RGL4: variants seen among roughly 807,000 people sequenced by gnomAD.
RGL4 encodes ral guanine nucleotide dissociation stimulator like 4.
RGL4 carries 41 observed loss-of-function variants against 49.6 expected under a neutral mutation model. The ratio of observed to expected loss-of-function variants is 0.83; its 90% CI spans 0.64 to 1.07. The LOEUF (loss-of-function observed/expected upper bound fraction) is 1.07, where lower values mean the gene tolerates loss of function less well. RGL4 is among the 50% of genes least tolerant of loss of function. The pLI, the probability that RGL4 is intolerant of heterozygous loss-of-function variation, is 0.00. For missense variants in RGL4, 610 were observed against 591.9 expected (o/e 1.03, Z -0.32); for synonymous variants, 255 against 238.0 (o/e 1.07, Z -0.66).
In RGL4 at chr22:23,691,824, CT is replaced by C; in HGVS notation, c.-205del. 1 of 533,196 alleles carries C rather than the reference CT, an allele frequency of 1.9e-6. No homozygotes were observed. Among genetic ancestry groups the C allele is most frequent in the Middle Eastern group, 5.0e-4 (1 of 1,990 alleles). The allele number at this position is 533,196 out of a possible 1,614,324, so 33.0% of individuals were successfully genotyped here. A position where few individuals can be genotyped will look rare whatever the true frequency, so the allele number is the denominator to read the frequency against. On this transcript the variant is annotated 5_prime_UTR_variant, in exon 1 of 11. Coordinates refer to ENST00000290691, the MANE Select transcript of RGL4 (RefSeq NM_153615.2). ...CCACGAGAAGGCTGACATCTGGGGA[CT>C]TCCCCCACAAGAGGCAAATAGTGAG...
chr22:23,698,362 G>C (rs1403013942), intron 10 of RGL4, 29 bp downstream of exon 10: 1 of 1,583,218 alleles, frequency 6.3e-7, no homozygotes, highest in African/African-American at 1.4e-5. Flanking sequence ...GGCTGAGGGT[G>C]GGAGAAGGCT....
At position 23,692,437 on chromosome 22, in the gene RGL4, C is replaced by T; in HGVS notation, c.282C>T (p.Asn94=). The part of the protein sequence containing the change: ...SSFRIKLAFR[N]LSWPGLGLED... The stretch of plus-strand genomic sequence containing the variant: ...TCCGGATAAAGCTGGCCTTCAGGAA[C>T]CTCTCCTGGCCTGGACTGGGCTTGG... Residue 94 remains asparagine (N), a synonymous_variant, in exon 2 of 11, where the codon AAC becomes AAT. Coordinates refer to ENST00000290691, the MANE Select transcript of RGL4 (RefSeq NM_153615.2). The T allele has an allele frequency of 6.2e-7, 1 of 1,614,256 alleles. No homozygotes were observed. Among genetic ancestry groups the T allele is most frequent in the Admixed American group, 1.7e-5 (1 of 60,034 alleles).
chr22:23,696,303 G>A (rs1358757697), intron 6 of RGL4: 40 of 1,296,042 alleles, frequency 3.1e-5, no homozygotes, highest in Non-Finnish European at 3.9e-5. Context: ...CAATTTGAGG[G>A]TGCTCGTGCC....
rs1436647613 is a variant in RGL4 at position 23,698,881 on chromosome 22, T to C, written c.1420T>C (p.Ter474GlnextTer79). Residue 474 changes from the stop codon to glutamine, a stop_lost, in exon 11 of 11, where the codon TAG (stop) becomes CAG (glutamine). Transcript: ENST00000290691. ...LSCQLEPENP[*>Q] ...CTGCCAGCTGGAGCCCGAAAACCCG[T>C]AGGCTGGCAACATCCTGCAGTGGCT... The C allele has an allele frequency of 1.9e-6, 3 of 1,612,778 alleles. No homozygotes were observed. The highest frequency in any genetic ancestry group is 1.3e-5 in the African/African-American group (1 of 74,920).
At chr22:23,693,468 C>T (rs1923275805) in intron 3 of RGL4, among the ~76,000 whole-genome samples, 1 of 152,202 alleles carries the variant, frequency 6.6e-6, no homozygotes, top group Admixed American at 6.5e-5. Context: ...TCAGGATGGG[C>T]AGGCCTGAGC....
At chr22:23,698,408 C>A in intron 10 of RGL4, 75 bp downstream of exon 10, 1 of 1,522,656 alleles carries the variant, frequency 6.6e-7, no homozygotes, top group South Asian at 1.2e-5. Flanking sequence ...CTGGCTCTGT[C>A]GCCCAGGCTG....
At chr22:23,695,814 C>T (rs1923454993) in intron 6 of RGL4, among the ~76,000 whole-genome samples, 2 of 152,206 alleles carry the variant, frequency 1.3e-5, no homozygotes, top group African/African-American at 4.8e-5. Flanking sequence ...CCACCCAGGA[C>T]TCTGGAAAAC....
rs1189325114 is a variant in RGL4, at chr22:23,694,420, AG to A, written c.987del (p.Gln329HisfsTer14). 1 of 1,613,924 alleles carries A rather than the reference AG, an allele frequency of 6.2e-7. No individual in the cohort carries two copies. The highest frequency in any genetic ancestry group is 1.3e-5 in the African/African-American group (1 of 75,058). On this transcript the variant is annotated frameshift_variant, in exon 5 of 11. Transcript: ENST00000290691. LOFTEE classifies it high-confidence loss of function. ...GCTCTGTGCAGCAACCCAATAGGTCAGCTACACAAGACGTGGGCAGGAGTGT... is the reference window on the plus strand; with the variant it reads ...GCTCTGTGCAGCAACCCAATAGGTCACTACACAAGACGTGGGCAGGAGTGT... ...VSALCSNPIGQLHKTWAGVSS... is the reference protein window; with the variant it reads ...VSALCSNPIGXLHKTWAGVSS...
chr22:23,692,117 G>GA lies in RGL4; in HGVS notation c.89dup (p.Asn30LysfsTer28), dbSNP rs1569117927. The GA allele has an allele frequency of 6.2e-7, 1 of 1,614,198 alleles. No individual in the cohort carries two copies. Among genetic ancestry groups the GA allele is most frequent in the Non-Finnish European group, 8.5e-7 (1 of 1,180,030 alleles). The stretch of plus-strand genomic sequence containing the variant: ...CTGTGCTCCAGGGCCTTTGGGAAGA[G>GA]AATGTCTGTGGGACGCCAGGGCGCA... On this transcript the variant is annotated frameshift_variant, in exon 1 of 11. Transcript: ENST00000290691. LOFTEE classifies it high-confidence loss of function.
chr22:23,696,610 G>A lies in RGL4; in HGVS notation c.1087-4G>A, dbSNP rs1308028815. Reference sequence around the variant, plus strand: ...TCACTGTCCCTGTCGCTGACACCTGGCAGGCGGGGAGCTTTAAGGTGGCCA... The same window carrying A: ...TCACTGTCCCTGTCGCTGACACCTGACAGGCGGGGAGCTTTAAGGTGGCCA... On this transcript the variant is annotated splice_region_variant and splice_polypyrimidine_tract_variant and intron_variant, in intron 6 of 10. Coordinates refer to ENST00000290691, the MANE Select transcript of RGL4 (RefSeq NM_153615.2). 5.0e-6 allele frequency: 8 copies of A among 1,613,706 alleles called. No homozygotes were observed. Among genetic ancestry groups the A allele is most frequent in the African/African-American group, 4.0e-5 (3 of 74,926 alleles).
chr22:23,698,774 T>C (rs1400867681), intron 10 of RGL4, 70 bp from the exon 11 acceptor site: 3 of 1,522,982 alleles, frequency 2.0e-6, no homozygotes, highest in African/African-American at 2.7e-5. Context: ...GGATTCCAGC[T>C]GGGCAGGCAC....
intron 7 of RGL4, 107 bp from the exon 8 acceptor site, chr22:23,697,064 G>A: frequency 1.2e-6 from 1 of 856,856 alleles, no homozygotes; most frequent in East Asian, 2.5e-5. Context: ...GGGGCTCTGG[G>A]AGACAGGGGC....
At chr22:23,696,363 G>A (rs1204951178) in intron 6 of RGL4, 1 of 1,421,810 alleles carries the variant, frequency 7.0e-7, no homozygotes, top group Non-Finnish European at 9.3e-7. Flanking sequence ...ACAGCTACAG[G>A]AAACTGAGCC....
Position 23,693,876 on chromosome 22 carries a change from A to C in RGL4, c.814A>C (p.Arg272=). ...TCGTGCCACCATCGCACACTTCAAC[A>C]GGCTCACCAACTGCATCACCACCTC... ...TVRATIAHFN[R]LTNCITTSCL... is the part of the protein sequence containing the mutation. Residue 272 remains arginine, a synonymous_variant, in exon 4 of 11, where the codon AGG becomes CGG. Coordinates refer to ENST00000290691, the MANE Select transcript of RGL4 (RefSeq NM_153615.2). 1 of 1,614,002 alleles carries C rather than the reference A, an allele frequency of 6.2e-7. No homozygotes were observed. Among genetic ancestry groups the C allele is most frequent in the Non-Finnish European group, 8.5e-7 (1 of 1,180,034 alleles).
chr22:23,696,707 T>C lies in RGL4; in HGVS notation c.1161+19T>C, dbSNP rs368158686. ...GAAGAAGGTGAGTGAGCCTGTGGCA[T>C]GGACGGGCCGCAGGGGATCAGAGGA... On this transcript the variant is annotated intron_variant, in intron 7 of 10. Transcript: ENST00000290691. The C allele has an allele frequency of 3.1e-6, 5 of 1,606,358 alleles. No homozygotes were observed. Among genetic ancestry groups the C allele is most frequent in the Admixed American group, 1.7e-5 (1 of 59,766 alleles).
intron 10 of RGL4, 26 bp from the exon 11 acceptor site, chr22:23,698,818 C>T (rs1479850742): frequency 2.5e-6 from 4 of 1,601,818 alleles, no homozygotes; most frequent in African/African-American, 1.3e-5. Flanking sequence ...TCATGGTGGC[C>T]TCACAGCTGC....
chr22:23,696,419 G>A, intron 6 of RGL4, 195 bp from the exon 7 acceptor site: 1 of 1,529,664 alleles, frequency 6.5e-7, no homozygotes, highest in Non-Finnish European at 8.8e-7. Flanking sequence ...ACTCTTTACA[G>A]AAGAGGAAAC....
At chr22:23,695,177 G>A (rs1923404348) in intron 6 of RGL4, 158 bp downstream of exon 6, 2 of 576,686 alleles carry the variant, frequency 3.5e-6, no homozygotes, top group East Asian at 6.5e-5. Context: ...GCCTACCTTG[G>A]GCCAACAGGA....
At chr22:23,693,187 G>A in intron 3 of RGL4, 196 bp downstream of exon 3, 1 of 945,458 alleles carries the variant, frequency 1.1e-6, no homozygotes, top group Admixed American at 2.9e-5. Context: ...ACCAGCGCCA[G>A]CTGCACAGAG....
Sources: allele counts gnomAD v4.1 joint callset (sites outside exome capture counted in the v4.1 genomes callset), GRCh38; gene constraint gnomAD v4.1.1; transcripts MANE v1.5; gene names NCBI Gene and HGNC (gene_info 2026-07-23, HGNC 2026-07-21).